Variants in MED27 observed in about 807,000 individuals in gnomAD.
MED27 encodes the protein mediator of RNA polymerase II transcription subunit 27.
MED27 carries 30 observed loss-of-function variants against 38.2 expected under a neutral mutation model. The ratio of observed to expected loss-of-function variants is 0.79; its 90% CI spans 0.59 to 1.07. MED27 has a LOEUF of 1.07. MED27 is among the 50% of genes least tolerant of loss of function. The pLI is 0.00. For synonymous variants in MED27, 122 were observed against 153.5 expected, an observed-to-expected ratio of 0.79 and a Z score of 1.52; for missense variants, 289 against 397.5, an observed-to-expected ratio of 0.73 and a Z score of 2.32.
chr9:131,978,692 A>C (rs555576644), intron 3 of MED27, among the ~76,000 whole-genome samples: 2 of 152,222 alleles, frequency 1.3e-5, no homozygotes, highest in Non-Finnish European at 2.9e-5. Flanking sequence ...ACAACAAAAA[A>C]AACTCTTAAG....
chr9:132,050,571 A>G (rs960881670), intron 2 of MED27, among the ~76,000 whole-genome samples: 1 of 152,262 alleles, frequency 6.6e-6, no homozygotes, highest in African/African-American at 2.4e-5. Context: ...TATAAGTTAT[A>G]GATATCAAGA....
At chr9:132,056,055 T>G (rs1833569023) in intron 2 of MED27, among the ~76,000 whole-genome samples, 1 of 152,192 alleles carries the variant, frequency 6.6e-6, no homozygotes, top group Admixed American at 6.5e-5. Flanking sequence ...GTGTGCTTAA[T>G]CATCATGTCA....
intron 6 of MED27, among the ~76,000 whole-genome samples, chr9:131,877,915 G>T (rs1240595214): frequency 6.6e-6 from 1 of 152,266 alleles, no homozygotes; most frequent in Non-Finnish European, 1.5e-5. Context: ...AAAAGCACCT[G>T]GTGGCCACCG....
intron 6 of MED27, among the ~76,000 whole-genome samples, chr9:131,864,181 A>G (rs2131447363): frequency 6.6e-6 from 1 of 152,334 alleles, no homozygotes; most frequent in African/African-American, 2.4e-5. Context: ...CGCACATGTC[A>G]TCATTAAAAA....
chr9:132,025,332 G>A (rs1034915805), intron 2 of MED27, among the ~76,000 whole-genome samples: 2 of 152,026 alleles, frequency 1.3e-5, no homozygotes, highest in East Asian at 1.9e-4. Context: ...ACAGGCATGC[G>A]CCACCACACC....
intron 6 of MED27, among the ~76,000 whole-genome samples, chr9:131,881,038 T>C (rs917848270): frequency 2.0e-5 from 3 of 152,206 alleles, no homozygotes; most frequent in African/African-American, 7.2e-5. Context: ...GAAGTCATCA[T>C]TGGCCTTTTG....
chr9:132,028,445 G>A (rs1832874887), intron 2 of MED27, among the ~76,000 whole-genome samples: 1 of 151,852 alleles, frequency 6.6e-6, no homozygotes, highest in African/African-American at 2.4e-5. Context: ...TCTTAGTCAT[G>A]ACTGTAGCTG....
intron 3 of MED27, among the ~76,000 whole-genome samples, chr9:132,008,806 C>T (rs1373186982): frequency 6.6e-6 from 1 of 152,248 alleles, no homozygotes; most frequent in African/African-American, 2.4e-5. Context: ...TGCACTAATA[C>T]GCACAGGGTT....
intron 5 of MED27, among the ~76,000 whole-genome samples, chr9:131,892,283 T>C (rs968970157): frequency 6.6e-6 from 1 of 152,196 alleles, no homozygotes; most frequent in Non-Finnish European, 1.5e-5. Flanking sequence ...TTCAAGACTG[T>C]TATTTTAAGT....
intron 6 of MED27, among the ~76,000 whole-genome samples, chr9:131,869,825 C>T (rs556484314): frequency 6.6e-6 from 1 of 152,238 alleles, no homozygotes; most frequent in East Asian, 1.9e-4. Flanking sequence ...GGGTGTGTCC[C>T]GTCTCAATGG....
intron 3 of MED27, among the ~76,000 whole-genome samples, chr9:131,979,388 T>G (rs1831681237): frequency 6.6e-6 from 1 of 151,952 alleles, no homozygotes; most frequent in African/African-American, 2.4e-5. Context: ...GTATCTTCCT[T>G]TCTGTATTAG....
At position 131,876,962 on chromosome 9, in the gene MED27, C is replaced by T. The variant is rs182324204; in HGVS notation, c.723+7096G>A. ...ATGACACCACATTCTGTCCTTACAACATAAGTTCTCCCTGTTGGAAAAAGT... is the reference window on the plus strand; with the variant it reads ...ATGACACCACATTCTGTCCTTACAATATAAGTTCTCCCTGTTGGAAAAAGT... On this transcript the variant is annotated intron_variant, in intron 6 of 7. Coordinates refer to ENST00000292035, the MANE Select transcript of MED27 (RefSeq NM_004269.4). Among the ~76,000 whole-genome samples the T allele has an allele frequency of 3.3e-5, 5 of 152,290 alleles. No individual in the cohort carries two copies. In the East Asian group the frequency reaches 5.8e-4, roughly 18 times the overall value.
intron 2 of MED27, among the ~76,000 whole-genome samples, chr9:132,035,780 T>C (rs1029238931): frequency 2.4e-4 from 37 of 151,988 alleles, no homozygotes; most frequent in African/African-American, 7.3e-4. Flanking sequence ...CTAGGCAACA[T>C]AGCAAGACCC....
In MED27 at chr9:131,917,095, G is replaced by T. The variant is rs1830305247; in HGVS notation, c.573+22286C>A. Among the ~76,000 whole-genome samples the T allele has an allele frequency of 6.6e-6, 1 of 152,186 alleles. No homozygotes were observed. Among genetic ancestry groups the T allele is most frequent in the African/African-American group, 2.4e-5 (1 of 41,448 alleles). On this transcript the variant is annotated intron_variant, in intron 4 of 7. Coordinates refer to ENST00000292035, the MANE Select transcript of MED27 (RefSeq NM_004269.4). This position sits in a 1 kb window ranked among gnomAD's most constrained non-coding sequence, Gnocchi z 4.6. ...CCAGGCATGGGAATCTTGTTCCTAAGGAGCCCCTGGAAATGGGAAGGTATT... is the reference window on the plus strand; with the variant it reads ...CCAGGCATGGGAATCTTGTTCCTAATGAGCCCCTGGAAATGGGAAGGTATT...
chr9:132,015,184 G>A (rs1289789907), intron 2 of MED27, among the ~76,000 whole-genome samples: 1 of 152,150 alleles, frequency 6.6e-6, no homozygotes, highest in East Asian at 1.9e-4. Context: ...ATAAGAACAA[G>A]CTTATGAATA....
intron 6 of MED27, among the ~76,000 whole-genome samples, chr9:131,871,134 G>A (rs927297224): frequency 6.6e-6 from 1 of 152,174 alleles, no homozygotes; most frequent in Non-Finnish European, 1.5e-5. Flanking sequence ...GTGAGCCCTG[G>A]ATCCAGGTGT....
Position 131,860,628 on chromosome 9 carries a change from C to G in MED27, c.846G>C (p.Gln282His). The change falls in exon 8 of 8, where the codon CAG becomes CAC. Residue 282 changes from glutamine to histidine, a missense_variant. By Grantham distance (24) the Gln-to-His change is conservative (BLOSUM62 0). Coordinates refer to ENST00000292035, the MANE Select transcript of MED27 (RefSeq NM_004269.4). This position sits in a 1 kb window ranked among gnomAD's most constrained non-coding sequence, Gnocchi z 5.8. ...CGTCCTGCAGAAACTTCCCGCAGCGCTGGCACGGGGCCTGGAACAGCTTTA... is the reference window on the plus strand; with the variant it reads ...CGTCCTGCAGAAACTTCCCGCAGCGGTGGCACGGGGCCTGGAACAGCTTTA... ...SYIKLFQAPC[Q>H]RCGKFLQDGL... 6.2e-7 allele frequency: 1 copy of G among 1,612,646 alleles called. No individual in the cohort carries two copies. The highest frequency in any genetic ancestry group is 8.5e-7 in the Non-Finnish European group (1 of 1,179,494).
chr9:132,004,218 G>A (rs1427324927), intron 3 of MED27, among the ~76,000 whole-genome samples: 2 of 152,192 alleles, frequency 1.3e-5, no homozygotes, highest in Non-Finnish European at 2.9e-5. Context: ...CTCAAGGGGA[G>A]AAAAGTAACT....
chr9:131,929,016 T>C (rs537149325), intron 4 of MED27, among the ~76,000 whole-genome samples: 1 of 152,314 alleles, frequency 6.6e-6, no homozygotes, highest in South Asian at 2.1e-4. Context: ...TCGTCTTGCA[T>C]CTTGGACATC....
Sources: gnomAD v4.1 joint callset for allele counts (sites outside exome capture counted in the v4.1 genomes callset) on GRCh38, gnomAD v4.1.1 for gene constraint, Gnocchi (gnomAD v3.1) non-coding constraint, MANE v1.5 for transcripts, NCBI Gene and HGNC (gene_info 2026-07-23, HGNC 2026-07-21) for gene names.